Variants in SLC9A8 observed in about 807,000 individuals in gnomAD.
SLC9A8 encodes sodium/hydrogen exchanger 8.
A neutral mutation model predicts 66.6 loss-of-function variants in SLC9A8; 48 were observed. The ratio of observed to expected loss-of-function variants is 0.72; its 90% CI spans 0.57 to 0.92. SLC9A8 has a LOEUF of 0.92. Among genes scored for constraint, SLC9A8 ranks in the 40% least tolerant of loss-of-function variants. The probability of loss-of-function intolerance (pLI) is 0.00; values close to 1 mark genes in which losing one functional copy is unlikely to be tolerated. For synonymous variants in SLC9A8, 274 were observed against 282.6 expected (o/e 0.97, Z 0.31); for missense variants, 599 against 747.3 (o/e 0.80, Z 2.31).
intron 3 of SLC9A8, among the ~76,000 whole-genome samples, chr20:49,833,870 A>T (rs1600673510): frequency 6.6e-6 from 1 of 152,224 alleles, no homozygotes; most frequent in African/African-American, 2.4e-5. Context: ...ACAAAGATCA[A>T]CTAGGAGCAA....
intron 10 of SLC9A8, 28 bp from the exon 11 acceptor site, chr20:49,874,677 C>T (rs2089352652): frequency 7.2e-7 from 1 of 1,386,422 alleles, no homozygotes; most frequent in African/African-American, 1.4e-5. Flanking sequence ...CACGGCAGTG[C>T]TTTCTGTTCT....
chr20:49,882,737 C>T (rs536541691), intron 13 of SLC9A8, among the ~76,000 whole-genome samples: 3 of 152,274 alleles, frequency 2.0e-5, no homozygotes, highest in South Asian at 2.1e-4. Flanking sequence ...CCTGGCTAGC[C>T]GGTACTAAGC....
At chr20:49,819,331 G>T (rs534063466) in intron 2 of SLC9A8, among the ~76,000 whole-genome samples, 4 of 152,076 alleles carry the variant, frequency 2.6e-5, no homozygotes, top group South Asian at 2.1e-4. Flanking sequence ...TTCTTGCTCG[G>T]TTTTTTTCCA....
chr20:49,832,155 C>T (rs1313578785), intron 3 of SLC9A8, among the ~76,000 whole-genome samples: 2 of 152,198 alleles, frequency 1.3e-5, no homozygotes, highest in Admixed American at 6.5e-5. Context: ...CTCCCTTCTC[C>T]CCACCTTCCT....
At chr20:49,868,012 G>A (rs536450681) in intron 10 of SLC9A8, among the ~76,000 whole-genome samples, 68 of 152,302 alleles carry the variant, frequency 4.5e-4, no homozygotes, top group Non-Finnish European at 8.4e-4. Context: ...TTCCATCCTG[G>A]TGTCTGCCAT....
intron 8 of SLC9A8, among the ~76,000 whole-genome samples, chr20:49,857,205 C>G (rs1215197949): frequency 6.6e-6 from 1 of 152,162 alleles, no homozygotes; most frequent in Non-Finnish European, 1.5e-5. Flanking sequence ...GATAATGTAT[C>G]AAAAATGAGC....
At chr20:49,831,664 C>A (rs1168429666) in intron 3 of SLC9A8, among the ~76,000 whole-genome samples, 2 of 152,202 alleles carry the variant, frequency 1.3e-5, no homozygotes, top group Non-Finnish European at 2.9e-5. Context: ...TGAGCCAGAC[C>A]AGACTCCAGA....
At chr20:49,818,584 G>A (rs574501766) in intron 2 of SLC9A8, among the ~76,000 whole-genome samples, 3 of 150,072 alleles carry the variant, frequency 2.0e-5, no homozygotes, top group African/African-American at 7.4e-5. Context: ...TCTGCCTCCC[G>A]GGTTCAAGTG....
Position 49,845,080 on chromosome 20 carries a change from T to TC in SLC9A8, c.398dup (p.Ile134TyrfsTer4), listed in dbSNP as rs1314286357. ...CAAACATGTTTTTCCTCCTCCTGCT[T>TC]CCCCCTATTATCTTTGAGTCTGGAT... is the stretch of plus-strand genomic sequence containing the variant. On this transcript the variant is annotated frameshift_variant, in exon 5 of 16. Transcript: ENST00000361573. LOFTEE classifies it high-confidence loss of function. 1.2e-6 allele frequency: 2 copies of TC among 1,613,478 alleles called. No homozygotes were observed. Among genetic ancestry groups the TC allele is most frequent in the Middle Eastern group, 1.6e-4 (1 of 6,062 alleles).
rs11472349 is a variant in SLC9A8 at position 49,884,297 on chromosome 20, C to CG, written c.1491+231_1491+232insG. On this transcript the variant is annotated intron_variant, in intron 14 of 15. Transcript: ENST00000361573. ...ACGACACACACACACACGACACACACACACACACACACACACACACACACA... is the reference window on the plus strand; with the variant it reads ...ACGACACACACACACACGACACACACGACACACACACACACACACACACACA... The CG allele has an allele frequency of 7.2e-3, 2,284 of 316,754 alleles. 116 individuals carry two copies. Among genetic ancestry groups the CG allele is most frequent in the East Asian group, 0.023 (253 of 11,188 alleles). 19.6% of individuals were successfully genotyped at this position (316,754 alleles called of 1,614,324 possible).
At chr20:49,884,336 A>ACACACACACACACACACACACACACACC (rs1568884621) in intron 14 of SLC9A8, among the ~76,000 whole-genome samples, 1 of 108,476 alleles carries the variant, frequency 9.2e-6, no homozygotes, top group African/African-American at 3.6e-5. Context: ...ACACACACAC[A>ACACACACACACACACACACACACACACC]CCCCCCGGTC....
At chr20:49,826,078 G>A (rs1211631259) in intron 3 of SLC9A8, among the ~76,000 whole-genome samples, 1 of 152,216 alleles carries the variant, frequency 6.6e-6, no homozygotes, top group Non-Finnish European at 1.5e-5. Context: ...CTAGGTCTTG[G>A]GAGAAGTGAT....
At chr20:49,833,596 T>C (rs539437087) in intron 3 of SLC9A8, among the ~76,000 whole-genome samples, 4 of 152,332 alleles carry the variant, frequency 2.6e-5, no homozygotes, top group South Asian at 2.1e-4. Context: ...ATTGTAGTAG[T>C]GTAGGCAGCC....
At chr20:49,834,423 T>C in intron 3 of SLC9A8, among the ~76,000 whole-genome samples, 4 of 41,050 alleles carry the variant, frequency 9.7e-5, no homozygotes, top group Admixed American at 2.3e-4. Context: ...ATATACTGTA[T>C]ATATATACTG....
At chr20:49,865,076 C>T (rs967554068) in intron 10 of SLC9A8, among the ~76,000 whole-genome samples, 2 of 152,210 alleles carry the variant, frequency 1.3e-5, no homozygotes, top group African/African-American at 4.8e-5. Flanking sequence ...TCTCTTAACC[C>T]GCCTTCTCTC....
At chr20:49,852,423 A>G (rs2088291408) in intron 7 of SLC9A8, among the ~76,000 whole-genome samples, 1 of 152,244 alleles carries the variant, frequency 6.6e-6, no homozygotes, top group Non-Finnish European at 1.5e-5. Context: ...AGGGGACCAC[A>G]GACTTTTTGC....
At chr20:49,827,823 G>A (rs1423548641) in intron 3 of SLC9A8, among the ~76,000 whole-genome samples, 1 of 151,956 alleles carries the variant, frequency 6.6e-6, no homozygotes, top group Non-Finnish European at 1.5e-5. Context: ...TAGAAAAACT[G>A]TGATCTAACT....
chr20:49,863,321 A>C (rs1465402761), intron 9 of SLC9A8, among the ~76,000 whole-genome samples: 1 of 152,130 alleles, frequency 6.6e-6, no homozygotes, highest in Non-Finnish European at 1.5e-5. Context: ...GATTTTGGGG[A>C]CCTCTCAGTT....
intron 12 of SLC9A8, among the ~76,000 whole-genome samples, chr20:49,880,510 C>G (rs2146748779): frequency 6.6e-6 from 1 of 152,208 alleles, no homozygotes; most frequent in East Asian, 1.9e-4. Context: ...CTTGTCTGTC[C>G]CCCTAGTCCT....
Sources: allele counts gnomAD v4.1 joint callset (sites outside exome capture counted in the v4.1 genomes callset), GRCh38; gene constraint gnomAD v4.1.1; transcripts MANE v1.5; gene names NCBI Gene and HGNC (gene_info 2026-07-23, HGNC 2026-07-21).